The following ITPR1 variants were observed in gnomAD, a reference collection of about 807,000 sequenced individuals.
ITPR1 encodes inositol 1,4,5-trisphosphate-gated calcium channel ITPR1.
ITPR1 carries 96 observed loss-of-function variants against 318.4 expected under a neutral mutation model. The ratio of observed to expected loss-of-function variants is 0.30; its 90% CI spans 0.26 to 0.36. ITPR1 has a LOEUF of 0.36. ITPR1 is among the 10% of genes least tolerant of loss of function. The pLI is 1.00. For missense variants in ITPR1, 2,440 were observed against 3,460.2 expected, an observed-to-expected ratio of 0.71 and a Z score of 7.40; for synonymous variants, 1,312 against 1,289.9, an observed-to-expected ratio of 1.02 and a Z score of -0.37.
chr3:4,842,739 C>A (rs1404084064), intron 61 of ITPR1, among the ~76,000 whole-genome samples: 2 of 152,166 alleles, frequency 1.3e-5, no homozygotes, highest in Admixed American at 1.3e-4. Flanking sequence ...ATTTTGAATA[C>A]AGTTACCATA....
chr3:4,811,165 C>A, intron 55 of ITPR1, 100 bp from the exon 56 acceptor site: 1 of 742,972 alleles, frequency 1.3e-6, no homozygotes, highest in Non-Finnish European at 2.1e-6. Context: ...TTTTGAGTGT[C>A]TAAGAGGGCA....
chr3:4,818,278 T>G (rs1245449654), intron 60 of ITPR1, 36 bp downstream of exon 60: 1 of 1,536,132 alleles, frequency 6.5e-7, no homozygotes, highest in Non-Finnish European at 8.9e-7. Flanking sequence ...AAGGTGGACT[T>G]GGGGCCTACT....
chr3:4,764,959 TGG>T (rs2045711508), intron 44 of ITPR1, among the ~76,000 whole-genome samples: 1 of 140,772 alleles, frequency 7.1e-6, no homozygotes, highest in Non-Finnish European at 1.5e-5. Flanking sequence ...GATGGATGGA[TGG>T]ATGGATGGAT....
intron 4 of ITPR1, among the ~76,000 whole-genome samples, chr3:4,538,404 T>C: frequency 6.6e-6 from 1 of 152,178 alleles, no homozygotes; most frequent in African/African-American, 2.4e-5. Context: ...CAACAGATGC[T>C]GGTGAGGTTG....
At chr3:4,698,254 A>G (rs998689786) in intron 34 of ITPR1, among the ~76,000 whole-genome samples, 2 of 151,576 alleles carry the variant, frequency 1.3e-5, no homozygotes, top group African/African-American at 4.9e-5. Flanking sequence ...GAATCCTAGA[A>G]TGTGGTATTT....
In ITPR1 at chr3:4,779,062, T is replaced by A. The variant is rs1477312451; in HGVS notation, c.6292-488T>A. 6.6e-6 allele frequency among the ~76,000 whole-genome samples: 1 copy of A among 152,240 alleles called. No individual in the cohort carries two copies. Among genetic ancestry groups the A allele is most frequent in the Non-Finnish European group, 1.5e-5 (1 of 68,032 alleles). On this transcript the variant is annotated intron_variant, in intron 48 of 61. Transcript: ENST00000649015. This position sits in a 1 kb window ranked among gnomAD's most constrained non-coding sequence, Gnocchi z 4.0. Reference sequence around the variant, plus strand: ...GATGTACTCATTATATTAGGGGTTATGAGAGCTAATAGAAATATTTTAAGA... The same window carrying A: ...GATGTACTCATTATATTAGGGGTTAAGAGAGCTAATAGAAATATTTTAAGA...
chr3:4,614,614 G>C (rs955184959), intron 4 of ITPR1, among the ~76,000 whole-genome samples: 2 of 152,222 alleles, frequency 1.3e-5, no homozygotes, highest in Admixed American at 6.5e-5. Flanking sequence ...CAGTCCGTCA[G>C]GTTCTAGATT....
intron 44 of ITPR1, among the ~76,000 whole-genome samples, chr3:4,748,874 C>T (rs1431181461): frequency 6.6e-6 from 1 of 152,226 alleles, no homozygotes; most frequent in African/African-American, 2.4e-5. Flanking sequence ...GGCAACATTG[C>T]TGCACTGGGA....
chr3:4,506,028 C>T (rs1323242787), intron 2 of ITPR1, among the ~76,000 whole-genome samples: 1 of 152,188 alleles, frequency 6.6e-6, no homozygotes, highest in Non-Finnish European at 1.5e-5. Flanking sequence ...AATGCTTCCT[C>T]CGTCCCCCTT....
chr3:4,563,049 G>A (rs1458324876), intron 4 of ITPR1, among the ~76,000 whole-genome samples: 1 of 152,180 alleles, frequency 6.6e-6, no homozygotes, highest in African/African-American at 2.4e-5. Context: ...AGGAAGAGCT[G>A]GCCACTTGTA....
intron 4 of ITPR1, among the ~76,000 whole-genome samples, chr3:4,550,160 G>A (rs777187078): frequency 1.3e-5 from 2 of 152,072 alleles, no homozygotes; most frequent in Non-Finnish European, 2.9e-5. Flanking sequence ...AGCTATTCTC[G>A]GTGGGGTTAA....
At chr3:4,681,814 G>C (rs1057173799) in intron 26 of ITPR1, among the ~76,000 whole-genome samples, 10 of 152,112 alleles carry the variant, frequency 6.6e-5, no homozygotes, top group South Asian at 4.1e-4. Context: ...TGCTGCTGCT[G>C]CTGGGCTACA....
At chr3:4,703,650 G>A (rs2094700285) in intron 36 of ITPR1, among the ~76,000 whole-genome samples, 1 of 152,154 alleles carries the variant, frequency 6.6e-6, no homozygotes, top group Non-Finnish European at 1.5e-5. Context: ...CAAGACAGGT[G>A]TAGTTCTCAG....
At chr3:4,525,588 C>A (rs949548700) in intron 4 of ITPR1, among the ~76,000 whole-genome samples, 1 of 152,206 alleles carries the variant, frequency 6.6e-6, no homozygotes, top group East Asian at 1.9e-4. Context: ...TATCATTGTC[C>A]TCGTAAGGGA....
intron 4 of ITPR1, among the ~76,000 whole-genome samples, chr3:4,535,091 T>A (rs1319870586): frequency 6.6e-6 from 1 of 151,378 alleles, no homozygotes; most frequent in East Asian, 1.9e-4. Context: ...TAATTAAATA[T>A]TATACAAGGA....
At chr3:4,530,757 G>A (rs780319323) in intron 4 of ITPR1, among the ~76,000 whole-genome samples, 8 of 149,774 alleles carry the variant, frequency 5.3e-5, no homozygotes, top group Non-Finnish European at 1.0e-4. Flanking sequence ...CTCCAGCCTG[G>A]GCAACAGAGC....
intron 4 of ITPR1, among the ~76,000 whole-genome samples, chr3:4,552,066 G>A (rs2085622955): frequency 6.6e-6 from 1 of 152,162 alleles, no homozygotes; most frequent in African/African-American, 2.4e-5. Flanking sequence ...CAGTTCTAAT[G>A]CAGAAATTAT....
At chr3:4,645,054 T>C (rs770306942) in intron 8 of ITPR1, among the ~76,000 whole-genome samples, 3 of 152,230 alleles carry the variant, frequency 2.0e-5, no homozygotes, top group Admixed American at 2.0e-4. Context: ...TCCCATTTTA[T>C]AAGTACTTAT....
At chr3:4,510,885 G>A (rs977204461) in intron 2 of ITPR1, among the ~76,000 whole-genome samples, 2 of 152,162 alleles carry the variant, frequency 1.3e-5, no homozygotes, top group South Asian at 2.1e-4. Flanking sequence ...GGGTAGGGAC[G>A]AGAGTGTTGT....
Sources: gnomAD v4.1 joint callset for allele counts (sites outside exome capture counted in the v4.1 genomes callset) on GRCh38, gnomAD v4.1.1 for gene constraint, Gnocchi (gnomAD v3.1) non-coding constraint, MANE v1.5 for transcripts, NCBI Gene and HGNC (gene_info 2026-07-23, HGNC 2026-07-21) for gene names.